The following SVOP variants were observed in gnomAD, a reference collection of about 807,000 sequenced individuals.
SVOP encodes synaptic vesicle 2-related protein.
Under a neutral mutation model 69.1 loss-of-function variants are expected in SVOP, and 17 were observed. That is an observed-to-expected ratio of 0.25 (90% CI 0.17 to 0.37). The LOEUF is 0.37. SVOP is among the 10% of genes least tolerant of loss of function. The probability of loss-of-function intolerance (pLI) is 1.00; values close to 1 mark genes in which losing one functional copy is unlikely to be tolerated. For missense variants in SVOP, 435 were observed against 597.5 expected (o/e 0.73, Z 2.84); for synonymous variants, 238 against 238.6 (o/e 1.00, Z 0.02).
At chr12:109,006,244 G>T (rs1408488180) in intron 1 of SVOP, among the ~76,000 whole-genome samples, 1 of 151,994 alleles carries the variant, frequency 6.6e-6, no homozygotes, top group Non-Finnish European at 1.5e-5. Flanking sequence ...GTAGAGATGG[G>T]GTTTCACCAT....
chr12:108,951,879 A>G (rs2039956525), intron 6 of SVOP, among the ~76,000 whole-genome samples: 1 of 152,288 alleles, frequency 6.6e-6, no homozygotes, highest in Admixed American at 6.5e-5. Context: ...CATCCCATCA[A>G]GAGTTCATTT....
chr12:108,943,550 A>G (rs2039904736), intron 7 of SVOP, among the ~76,000 whole-genome samples: 1 of 151,122 alleles, frequency 6.6e-6, no homozygotes, highest in Non-Finnish European at 1.5e-5. Context: ...GAGAGCCAAG[A>G]TCGCGCCACT....
chr12:108,930,411 G>A (rs1286966208), intron 11 of SVOP, among the ~76,000 whole-genome samples: 1 of 143,330 alleles, frequency 7.0e-6, no homozygotes, highest in East Asian at 2.2e-4. Context: ...TGCCTTATTT[G>A]AATAGAGTTT....
chr12:108,993,430 T>C (rs1275290215), intron 1 of SVOP, among the ~76,000 whole-genome samples: 2 of 149,684 alleles, frequency 1.3e-5, no homozygotes, highest in Non-Finnish European at 3.0e-5. Context: ...CTGCCACAGA[T>C]GTTACTGAAA....
chr12:108,957,870 A>T (rs1167291613), intron 6 of SVOP, among the ~76,000 whole-genome samples: 1 of 152,230 alleles, frequency 6.6e-6, no homozygotes, highest in Non-Finnish European at 1.5e-5. Context: ...GGCCAAGGCA[A>T]CTTCTGCAAG....
At chr12:108,960,772 C>T in intron 6 of SVOP, 151 bp downstream of exon 6, 1 of 877,270 alleles carries the variant, frequency 1.1e-6, no homozygotes, top group Non-Finnish European at 1.7e-6. Flanking sequence ...TATTTTCTTG[C>T]TACACCATAG....
At chr12:108,990,333 C>T (rs559299030) in intron 1 of SVOP, among the ~76,000 whole-genome samples, 34 of 152,194 alleles carry the variant, frequency 2.2e-4, no homozygotes, top group African/African-American at 7.9e-4. Flanking sequence ...CATAGTATTC[C>T]ATGGTGTATA....
chr12:108,951,858 T>C (rs1482410774), intron 6 of SVOP, among the ~76,000 whole-genome samples: 3 of 152,244 alleles, frequency 2.0e-5, no homozygotes, highest in Non-Finnish European at 4.4e-5. Context: ...CTTTGCAGTA[T>C]GACTGCAGCA....
chr12:108,978,077 G>T (rs867961745), intron 3 of SVOP, among the ~76,000 whole-genome samples: 1 of 152,110 alleles, frequency 6.6e-6, no homozygotes, highest in Non-Finnish European at 1.5e-5. Flanking sequence ...TTCCAATTAG[G>T]GGGGGAAATG....
At chr12:108,930,940 G>A (rs1191158819) in intron 11 of SVOP, among the ~76,000 whole-genome samples, 1 of 152,210 alleles carries the variant, frequency 6.6e-6, no homozygotes, top group Non-Finnish European at 1.5e-5. Context: ...AAACAACAGA[G>A]TTATGTGGCC....
intron 6 of SVOP, among the ~76,000 whole-genome samples, chr12:108,958,873 C>G (rs975702299): frequency 6.6e-6 from 1 of 152,124 alleles, no homozygotes; most frequent in Non-Finnish European, 1.5e-5. Context: ...AGGGCCACCT[C>G]TGCTTCTGAA....
intron 1 of SVOP, among the ~76,000 whole-genome samples, chr12:108,986,778 AG>A (rs36157454): frequency 0.27 from 41,076 of 150,994 alleles, 6,812 homozygotes; most frequent in African/African-American, 0.42. Context: ...TTGATCGGGG[AG>A]GGGGGGGTCT....
At chr12:109,018,174 A>G (rs974318043) in intron 1 of SVOP, among the ~76,000 whole-genome samples, 11 of 152,228 alleles carry the variant, frequency 7.2e-5, no homozygotes, top group African/African-American at 2.4e-4. Flanking sequence ...TCAAGAAATC[A>G]TCCTAGAAAG....
intron 6 of SVOP, among the ~76,000 whole-genome samples, chr12:108,956,390 A>G (rs1326724221): frequency 6.6e-6 from 1 of 151,886 alleles, no homozygotes; most frequent in African/African-American, 2.4e-5. Flanking sequence ...ATAAGAAATC[A>G]ATCCCTGACC....
intron 1 of SVOP, among the ~76,000 whole-genome samples, chr12:109,012,962 A>C (rs1272761017): frequency 6.6e-6 from 1 of 152,240 alleles, no homozygotes; most frequent in African/African-American, 2.4e-5. Context: ...GAAAATAGAC[A>C]TGAAGAAACA....
At chr12:108,977,172 A>G (rs2040110906) in intron 4 of SVOP, among the ~76,000 whole-genome samples, 1 of 152,208 alleles carries the variant, frequency 6.6e-6, no homozygotes, top group Non-Finnish European at 1.5e-5. Context: ...GCTCCCAGCA[A>G]CAGAATAGGA....
chr12:109,007,367 G>A (rs1235546956), intron 1 of SVOP, among the ~76,000 whole-genome samples: 1 of 152,230 alleles, frequency 6.6e-6, no homozygotes, highest in Non-Finnish European at 1.5e-5. Context: ...TGTAGGATTT[G>A]AGAAGAGTCT....
At chr12:108,920,674 T>C (rs1442202031) in intron 12 of SVOP, among the ~76,000 whole-genome samples, 1 of 151,312 alleles carries the variant, frequency 6.6e-6, no homozygotes, top group Non-Finnish European at 1.5e-5. Context: ...ATCAGCTTAT[T>C]GCAATCTCCG....
In SVOP at chr12:108,952,176, G is replaced by A. The variant is rs139754587; in HGVS notation, c.579-7010C>T. The stretch of plus-strand genomic sequence containing the variant: ...ATTGTTTTAAACCATGAATGCAAAG[G>A]TGGTTTGTTACAAAGTAGAAGCAAA... On this transcript the variant is annotated intron_variant, in intron 6 of 15. Transcript: ENST00000610966. 7.3e-3 allele frequency among the ~76,000 whole-genome samples: 1,101 copies of A among 150,498 alleles called. 8 individuals are homozygous for A. Among genetic ancestry groups the A allele is most frequent in the Non-Finnish European group, 0.011 (751 of 67,770 alleles).
Sources: allele counts gnomAD v4.1 joint callset (sites outside exome capture counted in the v4.1 genomes callset), GRCh38; gene constraint gnomAD v4.1.1; transcripts MANE v1.5; gene names NCBI Gene and HGNC (gene_info 2026-07-23, HGNC 2026-07-21).